TM9SF3: variants seen among roughly 807,000 people sequenced by gnomAD.
TM9SF3 encodes transmembrane 9 superfamily member 3, also known as SM-11044-binding protein.
A neutral mutation model predicts 78.6 loss-of-function variants in TM9SF3; 14 were observed. The ratio of observed to expected loss-of-function variants is 0.18; its 90% CI spans 0.12 to 0.28. The LOEUF (loss-of-function observed/expected upper bound fraction) is 0.28. Ranked by LOEUF, TM9SF3 falls within the 10% of genes least tolerant of loss-of-function variation. The probability of loss-of-function intolerance (pLI) is 1.00; values close to 1 mark genes in which losing one functional copy is unlikely to be tolerated. For synonymous variants in TM9SF3, 231 were observed against 241.7 expected (o/e 0.96, Z 0.41); for missense variants, 496 against 721.9 (o/e 0.69, Z 3.59).
rs927745660 is a variant in TM9SF3 at position 96,545,612 on chromosome 10, G to A, written c.1055-1406C>T. Among the ~76,000 whole-genome samples, 25 of 152,122 alleles carry A rather than the reference G, an allele frequency of 1.6e-4. 1 individual carries two copies. The highest frequency in any genetic ancestry group is 1.0e-3 in the South Asian group (5 of 4,832). ...GACATGTATCAACAAAACTGTGGCC[G>A]GGCGTGGTGGCTCATGCCTGTAATC... is the stretch of plus-strand genomic sequence containing the variant. On this transcript the variant is annotated intron_variant, in intron 8 of 14. Coordinates refer to ENST00000371142, the MANE Select transcript of TM9SF3 (RefSeq NM_020123.4).
chr10:96,538,464 T>C (rs978744017), intron 9 of TM9SF3, among the ~76,000 whole-genome samples: 11 of 152,174 alleles, frequency 7.2e-5, no homozygotes, highest in Admixed American at 5.2e-4. Flanking sequence ...CTTAGTGATG[T>C]CTGGTTTGGC....
At chr10:96,585,712 T>C (rs559630167) in intron 1 of TM9SF3, among the ~76,000 whole-genome samples, 82 of 152,326 alleles carry the variant, frequency 5.4e-4, no homozygotes, top group African/African-American at 1.7e-3. Flanking sequence ...TTACCAGAAA[T>C]GACATAAGAC....
intron 7 of TM9SF3, 73 bp from the exon 8 acceptor site, chr10:96,548,062 C>A: frequency 1.1e-6 from 1 of 909,516 alleles, no homozygotes; most frequent in Non-Finnish European, 1.6e-6. Flanking sequence ...ATTATATTAG[C>A]ATTAGTTTAA....
intron 2 of TM9SF3, chr10:96,576,394 A>T: frequency 3.4e-6 from 1 of 297,718 alleles, no homozygotes; most frequent in Non-Finnish European, 6.1e-6. Context: ...TTAGAGTCTA[A>T]AGTAGTGGTT....
At chr10:96,530,714 G>A in intron 10 of TM9SF3, 106 bp from the exon 11 acceptor site, 2 of 1,030,044 alleles carry the variant, frequency 1.9e-6, no homozygotes, top group South Asian at 1.8e-5. Flanking sequence ...CATCTCTAAA[G>A]GATAGAAACA....
At chr10:96,543,382 T>C (rs1848057859) in intron 9 of TM9SF3, among the ~76,000 whole-genome samples, 1 of 145,830 alleles carries the variant, frequency 6.9e-6, no homozygotes, top group South Asian at 2.2e-4. Flanking sequence ...TCGCCCAGGC[T>C]GGAGTGCAGT....
At chr10:96,529,991 G>C (rs1176845101) in intron 11 of TM9SF3, among the ~76,000 whole-genome samples, 1 of 152,174 alleles carries the variant, frequency 6.6e-6, no homozygotes. Flanking sequence ...AGAAAAGAAA[G>C]TCTTTTTTAT....
At chr10:96,530,162 C>A (rs759116199) in intron 11 of TM9SF3, among the ~76,000 whole-genome samples, 2 of 152,050 alleles carry the variant, frequency 1.3e-5, no homozygotes, top group Non-Finnish European at 2.9e-5. Context: ...AGGGCCTAGA[C>A]GGACTAGTAG....
chr10:96,580,005 A>T (rs985193025), intron 1 of TM9SF3, among the ~76,000 whole-genome samples: 4 of 152,204 alleles, frequency 2.6e-5, no homozygotes, highest in Non-Finnish European at 5.9e-5. Context: ...GTGGGAAGAG[A>T]GTGCTAGGCC....
chr10:96,572,242 A>G (rs1848444701), intron 2 of TM9SF3, among the ~76,000 whole-genome samples: 1 of 152,128 alleles, frequency 6.6e-6, no homozygotes, highest in African/African-American at 2.4e-5. Context: ...CTCTACATGC[A>G]TTCTCATTTA....
intron 2 of TM9SF3, among the ~76,000 whole-genome samples, chr10:96,570,078 A>G (rs926712689): frequency 1.3e-5 from 2 of 152,234 alleles, no homozygotes; most frequent in African/African-American, 4.8e-5. Flanking sequence ...ACAGAATAGT[A>G]TGTTGCCACA....
rs765558549 is a variant in TM9SF3, at chr10:96,554,052, AT to A, written c.661-994del. ...GTTTTGAGGTGTTTTTTCTCCTCTC[AT>A]TTTGCATCCCAACCCCTCCACCTTT... On this transcript the variant is annotated intron_variant, in intron 5 of 14. Transcript: ENST00000371142. 1.9e-3 allele frequency among the ~76,000 whole-genome samples: 284 copies of A among 152,002 alleles called. 2 individuals carry two copies. Among genetic ancestry groups the A allele is most frequent in the Non-Finnish European group, 3.1e-3 (211 of 67,956 alleles).
Position 96,530,520 on chromosome 10 carries a change from A to T in TM9SF3, c.1394+20T>A. On this transcript the variant is annotated intron_variant, in intron 11 of 14. Transcript: ENST00000371142. ...CTATAATCAAATCCCTCAAAACATA[A>T]ATACATTATCAAAACTTACATTTCA... is the stretch of plus-strand genomic sequence containing the variant. 7 of 1,593,884 alleles carry T rather than the reference A, an allele frequency of 4.4e-6. No individual in the cohort carries two copies. The highest frequency in any genetic ancestry group is 5.1e-6 in the Non-Finnish European group (6 of 1,167,292).
At chr10:96,522,488 T>TGC (rs1847789356) in intron 14 of TM9SF3, among the ~76,000 whole-genome samples, 158 bp from the exon 15 acceptor site, 1 of 151,950 alleles carries the variant, frequency 6.6e-6, no homozygotes, top group South Asian at 2.1e-4. Flanking sequence ...CTGTATCATT[T>TGC]GCTTTGCAAA....
chr10:96,568,097 T>C (rs1261997451), intron 2 of TM9SF3, among the ~76,000 whole-genome samples: 5 of 152,202 alleles, frequency 3.3e-5, no homozygotes, highest in Non-Finnish European at 7.4e-5. Flanking sequence ...AGGGTGTTGG[T>C]TGGTCATATC....
At chr10:96,584,915 C>G (rs1848612357) in intron 1 of TM9SF3, among the ~76,000 whole-genome samples, 1 of 152,138 alleles carries the variant, frequency 6.6e-6, no homozygotes, top group Non-Finnish European at 1.5e-5. Context: ...TGTCTAGCAA[C>G]CATCTCATAT....
chr10:96,539,528 C>T (rs1480661912), intron 9 of TM9SF3, among the ~76,000 whole-genome samples: 1 of 151,680 alleles, frequency 6.6e-6, no homozygotes, highest in Non-Finnish European at 1.5e-5. Flanking sequence ...AGGGGAGAGA[C>T]AAAAGAAGAA....
In TM9SF3 at chr10:96,586,826, G is replaced by C. The variant is rs1459632242; in HGVS notation, c.10C>G (p.Leu4Val). ...GCCGCCACGCCAAGAGCGCCAGGCA[G>C]CGGCCTCATCCTCCGCGCCCCTCCG... The part of the protein sequence containing the change: MRP[L>V]PGALGVAAAA... Residue 4 changes from leucine (L) to valine (V), a missense_variant, in exon 1 of 15, where the codon CTG becomes GTG. Leu to Val is a conservative substitution (Grantham distance 32). Coordinates refer to ENST00000371142, the MANE Select transcript of TM9SF3 (RefSeq NM_020123.4). 12 of 1,243,576 alleles carry C rather than the reference G, an allele frequency of 9.6e-6. No individual in the cohort carries two copies. The highest frequency in any genetic ancestry group is 1.2e-5 in the Non-Finnish European group (12 of 995,680). 77.0% of individuals were successfully genotyped at this position (1,243,576 alleles called of 1,614,324 possible).
chr10:96,544,537 G>T (rs1339358691), intron 8 of TM9SF3, among the ~76,000 whole-genome samples: 3 of 151,724 alleles, frequency 2.0e-5, no homozygotes, highest in Non-Finnish European at 2.9e-5. Flanking sequence ...TAAATTAACT[G>T]ATCAAAAAAA....
Sources: allele counts gnomAD v4.1 joint callset (sites outside exome capture counted in the v4.1 genomes callset), GRCh38; gene constraint gnomAD v4.1.1; transcripts MANE v1.5; gene names NCBI Gene and HGNC (gene_info 2026-07-23, HGNC 2026-07-21).